Variants in PKM observed in about 807,000 individuals in gnomAD.
PKM encodes pyruvate kinase M1/2, also known as pyruvate kinase PKM.
In PKM, 18 loss-of-function variants were observed where a neutral mutation model predicts 49.8. The ratio of observed to expected loss-of-function variants is 0.36; its 90% CI spans 0.25 to 0.54. The LOEUF (loss-of-function observed/expected upper bound fraction) is 0.54. Among genes scored for constraint, PKM ranks in the 20% least tolerant of loss-of-function variants. The pLI, the probability that PKM is intolerant of heterozygous loss-of-function variation, is 0.89. For missense variants in PKM, 508 were observed against 713.8 expected, an observed-to-expected ratio of 0.71 and a Z score of 3.28; for synonymous variants, 239 against 261.8, an observed-to-expected ratio of 0.91 and a Z score of 0.84.
chr15:72,199,358 A>G lies in PKM; in HGVS notation c.*292T>C, dbSNP rs2081871839. 4.9e-6 allele frequency: 3 copies of G among 610,266 alleles called. No individual in the cohort carries two copies. The highest frequency in any genetic ancestry group is 9.2e-6 in the Non-Finnish European group (3 of 327,864). The allele number at this position is 610,266 out of a possible 1,614,324, so 37.8% of individuals were successfully genotyped here. On this transcript the variant is annotated 3_prime_UTR_variant, in exon 11 of 11. Coordinates refer to ENST00000335181, the MANE Select transcript of PKM (RefSeq NM_002654.6). ...GAACTGGACAGAGTACACACAGGAA[A>G]GGAAGCTGTCACCCTCTTGCCATCT... is the stretch of plus-strand genomic sequence containing the variant.
intron 1 of PKM, among the ~76,000 whole-genome samples, chr15:72,230,290 C>A (rs1400026401): frequency 2.0e-5 from 3 of 152,266 alleles, no homozygotes; most frequent in African/African-American, 7.2e-5. Flanking sequence ...TCTCCAGCTG[C>A]CCCCGGGCCG....
chr15:72,222,459 T>G (rs1434796509), intron 1 of PKM: 1 of 152,308 alleles, frequency 6.6e-6, no homozygotes, highest in African/African-American at 2.4e-5. Flanking sequence ...CCTAGAGTTG[T>G]ATGTAAAACA....
chr15:72,208,370 G>A (rs1417477921), intron 6 of PKM, among the ~76,000 whole-genome samples: 1 of 152,050 alleles, frequency 6.6e-6, no homozygotes, highest in African/African-American at 2.4e-5. Context: ...TGGTCCCCAG[G>A]CCCAGGGAAC....
At chr15:72,211,141 C>T (rs1337563004) in intron 3 of PKM, among the ~76,000 whole-genome samples, 1 of 151,836 alleles carries the variant, frequency 6.6e-6, no homozygotes, top group Non-Finnish European at 1.5e-5. Context: ...TCTAGGCTCA[C>T]TGCAAGCTCC....
At chr15:72,219,220 G>T in intron 1 of PKM, 110 bp from the exon 2 acceptor site, 1 of 980,650 alleles carries the variant, frequency 1.0e-6, no homozygotes, top group Non-Finnish European at 1.5e-6. Flanking sequence ...AGCACGCTTT[G>T]TACACAAGCC....
chr15:72,218,371 C>T (rs528217586), intron 2 of PKM, among the ~76,000 whole-genome samples: 2 of 152,244 alleles, frequency 1.3e-5, no homozygotes, highest in South Asian at 4.1e-4. Flanking sequence ...AGGTGATCCA[C>T]CTGCCTCAGC....
chr15:72,219,084 T>C lies in PKM; in HGVS notation c.14A>G (p.His5Arg), dbSNP rs1369048182. 1.9e-6 allele frequency: 3 copies of C among 1,613,984 alleles called. No individual in the cohort carries two copies. The highest frequency in any genetic ancestry group is 2.5e-6 in the Non-Finnish European group (3 of 1,179,852). Residue 5 changes from histidine (H) to arginine (R), a missense_variant, in exon 2 of 11, where the codon CAT becomes CGT. Coordinates refer to ENST00000335181, the MANE Select transcript of PKM (RefSeq NM_002654.6). MSKP[H>R]SEAGTAFIQT... ...AATGAAGGCAGTCCCGGCTTCACTA[T>C]GGGGCTTCGACATGGCTGCTGAGGT...
intron 1 of PKM, among the ~76,000 whole-genome samples, chr15:72,228,327 G>A (rs2082741078): frequency 6.7e-6 from 1 of 149,034 alleles, no homozygotes; most frequent in African/African-American, 2.5e-5. Flanking sequence ...TCTTAAGGCA[G>A]TACAGAGAAC....
At chr15:72,220,176 T>C (rs1252152581) in intron 1 of PKM, among the ~76,000 whole-genome samples, 2 of 152,220 alleles carry the variant, frequency 1.3e-5, no homozygotes, top group Admixed American at 6.5e-5. Flanking sequence ...GCTACACGTC[T>C]CATCAGAAAG....
chr15:72,228,798 G>A (rs1294505353), intron 1 of PKM: 2 of 357,326 alleles, frequency 5.6e-6, no homozygotes, highest in East Asian at 8.4e-5. Context: ...GTGACCTAGG[G>A]AGTGGCCACA....
Position 72,202,781 on chromosome 15 carries a change from C to A in PKM, c.1141-161G>T. On this transcript the variant is annotated intron_variant, in intron 8 of 10. Coordinates refer to ENST00000335181, the MANE Select transcript of PKM (RefSeq NM_002654.6). The surrounding 1 kb of genome is among the most constrained non-coding windows in gnomAD (Gnocchi z 4.5). ...GAGCCCAATCACTGGAGATTCTGAG[C>A]TGAGCCAAGATCAAGACTCCACAGA... 1 of 733,300 alleles carries A rather than the reference C, an allele frequency of 1.4e-6. No individual in the cohort carries two copies. The highest frequency in any genetic ancestry group is 2.3e-6 in the Non-Finnish European group (1 of 432,392). 45.4% of individuals were successfully genotyped at this position (733,300 alleles called of 1,614,324 possible).
rs2081927929 is a variant in PKM at position 72,200,848 on chromosome 15, C to T, written c.1308-193G>A. On this transcript the variant is annotated intron_variant, in intron 9 of 10. Coordinates refer to ENST00000335181, the MANE Select transcript of PKM (RefSeq NM_002654.6). The surrounding 1 kb of genome is among the most constrained non-coding windows in gnomAD (Gnocchi z 4.6). ...ATATCCCCCACAGCATGCTAGGTTA[C>T]CATTTGCCCTCTACCCCCATTCCAC... The T allele has an allele frequency of 3.5e-6, 2 of 578,746 alleles. No individual in the cohort carries two copies. Among genetic ancestry groups the T allele is most frequent in the Admixed American group, 3.0e-5 (1 of 33,022 alleles). The allele number at this position is 578,746 out of a possible 1,614,324, so 35.9% of individuals were successfully genotyped here.
chr15:72,213,121 T>C (rs1372485669), intron 3 of PKM, among the ~76,000 whole-genome samples: 3 of 152,206 alleles, frequency 2.0e-5, no homozygotes, highest in African/African-American at 4.8e-5. Context: ...TTAATCCCGA[T>C]GTAGAATTTT....
intron 5 of PKM, 102 bp from the exon 6 acceptor site, chr15:72,208,993 T>C (rs1048317885): frequency 7.9e-6 from 10 of 1,266,542 alleles, no homozygotes; most frequent in Non-Finnish European, 1.1e-5. Flanking sequence ...AAGTGGTGCA[T>C]TATGGGTGCT....
Position 72,202,956 on chromosome 15 carries a change from T to C in PKM, c.1141-336A>G. 6.6e-7 allele frequency: 1 copy of C among 1,526,514 alleles called. No individual in the cohort carries two copies. Among genetic ancestry groups the C allele is most frequent in the Non-Finnish European group, 9.0e-7 (1 of 1,105,072 alleles). 94.6% of individuals were successfully genotyped at this position (1,526,514 alleles called of 1,614,324 possible). A position where few individuals can be genotyped will look rare whatever the true frequency, so the allele number is the denominator to read the frequency against. On this transcript the variant is annotated intron_variant, in intron 8 of 10. Coordinates refer to ENST00000335181, the MANE Select transcript of PKM (RefSeq NM_002654.6). This position sits in a 1 kb window ranked among gnomAD's most constrained non-coding sequence, Gnocchi z 4.5. ...GATGCCAGGTTGGGCCTGGCTGTCT[T>C]CTCCTAGAGCAGGTGGAGCAAGAGG...
intron 1 of PKM, among the ~76,000 whole-genome samples, chr15:72,230,320 C>A (rs1273578280): frequency 6.6e-6 from 1 of 152,134 alleles, no homozygotes; most frequent in African/African-American, 2.4e-5. Context: ...GCCCGCCGCG[C>A]GGGGCACCCA....
At chr15:72,209,573 TCTCA>T (rs1407430319) in intron 5 of PKM, 96 bp downstream of exon 5, 4 of 970,376 alleles carry the variant, frequency 4.1e-6, no homozygotes, top group Non-Finnish European at 6.7e-6. Context: ...ACAGACTCAA[TCTCA>T]CTGCCAGGCA....
At chr15:72,227,765 A>AAAAAAAAAAAAAAAAAT (rs2082716777) in intron 1 of PKM, among the ~76,000 whole-genome samples, 1 of 135,322 alleles carries the variant, frequency 7.4e-6, no homozygotes, top group African/African-American at 3.4e-5. Context: ...AAAAAAAAAA[A>AAAAAAAAAAAAAAAAAT]AAAAAAAAAC....
At chr15:72,230,312 C>T (rs895849566) in intron 1 of PKM, among the ~76,000 whole-genome samples, 4 of 152,254 alleles carry the variant, frequency 2.6e-5, no homozygotes, top group African/African-American at 9.6e-5. Flanking sequence ...CGCATCCCGC[C>T]CGCCGCGCGG....
Sources: gnomAD v4.1 joint callset for allele counts (sites outside exome capture counted in the v4.1 genomes callset) on GRCh38, gnomAD v4.1.1 for gene constraint, Gnocchi (gnomAD v3.1) non-coding constraint, MANE v1.5 for transcripts, NCBI Gene and HGNC (gene_info 2026-07-23, HGNC 2026-07-21) for gene names.